ATP13A1: variants seen among roughly 807,000 people sequenced by gnomAD.
ATP13A1 encodes the protein endoplasmic reticulum transmembrane helix translocase.
A neutral mutation model predicts 134.8 loss-of-function variants in ATP13A1; 55 were observed. The observed-to-expected ratio is 0.41, with a 90% CI of 0.33 to 0.51. The LOEUF is 0.51. ATP13A1 is among the 20% of genes least tolerant of loss of function. The probability of loss-of-function intolerance (pLI) is 0.29; values close to 1 mark genes in which losing one functional copy is unlikely to be tolerated. For missense variants in ATP13A1, 1,389 were observed against 1,652.8 expected, an observed-to-expected ratio of 0.84 and a Z score of 2.77; for synonymous variants, 775 against 725.1, an observed-to-expected ratio of 1.07 and a Z score of -1.10.
chr19:19,646,310 T>G lies in ATP13A1; in HGVS notation c.3143A>C (p.Asn1048Thr). ...GAGGATGGTGTACAGGTTGAAGATG[T>G]TGGGCAGGGGCCGTTCTCGGGAGAG... ...KTLSRERPLP[N>T]IFNLYTILTV... Residue 1048 changes from asparagine to threonine, a missense_variant, in exon 23 of 26, where the codon AAC becomes ACC. By Grantham distance (65) the Asn-to-Thr change is moderately conservative. This residue lies in a region of ATP13A1 where 228 missense variants were observed against 321.0 expected (regional missense o/e 0.71). Coordinates refer to ENST00000357324, the MANE Select transcript of ATP13A1 (RefSeq NM_020410.3). 6.2e-7 allele frequency: 1 copy of G among 1,613,810 alleles called. No homozygotes were observed. The highest frequency in any genetic ancestry group is 8.5e-7 in the Non-Finnish European group (1 of 1,179,820).
rs1233231120 is a variant in ATP13A1 at position 19,649,858 on chromosome 19, C to T, written c.2418G>A (p.Glu806=). ...ARGSPKALAL[E]YALCLTGDGL... is the part of the protein sequence containing the mutation. Reference sequence around the variant, plus strand: ...CGTCGCCTGTGAGGCACAGTGCGTACTCCAGGGCCAGTGCCTTTGGGGAGC... The same window carrying T: ...CGTCGCCTGTGAGGCACAGTGCGTATTCCAGGGCCAGTGCCTTTGGGGAGC... Residue 806 remains glutamate, a synonymous_variant, in exon 18 of 26, where the codon GAG becomes GAA. Coordinates refer to ENST00000357324, the MANE Select transcript of ATP13A1 (RefSeq NM_020410.3). 6.2e-7 allele frequency: 1 copy of T among 1,603,890 alleles called. No individual in the cohort carries two copies. The highest frequency in any genetic ancestry group is 1.7e-5 in the Admixed American group (1 of 59,954).
Position 19,647,439 on chromosome 19 carries a change from G to A in ATP13A1, c.2883C>T (p.Thr961=). 6.2e-7 allele frequency: 1 copy of A among 1,613,542 alleles called. No homozygotes were observed. The highest frequency in any genetic ancestry group is 8.5e-7 in the Non-Finnish European group (1 of 1,179,726). Residue 961 remains threonine, a synonymous_variant, in exon 21 of 26, where the codon ACC becomes ACT. Coordinates refer to ENST00000357324, the MANE Select transcript of ATP13A1 (RefSeq NM_020410.3). The surrounding 1 kb of genome is among the most constrained non-coding windows in gnomAD (Gnocchi z 4.8). The part of the protein sequence containing the change: ...LGDASIAAPF[T]SKLSSIQCIC... ...TGCACTGGATGGATGAGAGCTTGGA[G>A]GTGAAGGGTGCTGCGATGCTGGCAT...
At chr19:19,662,239 G>C (rs1334677270) in intron 1 of ATP13A1, 1 of 1,501,084 alleles carries the variant, frequency 6.7e-7, no homozygotes, top group Non-Finnish European at 8.9e-7. Context: ...GTCTTTCATT[G>C]TACTACCTCA....
Position 19,656,951 on chromosome 19 carries a change from A to G in ATP13A1, c.907-35T>C. 7 of 1,604,926 alleles carry G rather than the reference A, an allele frequency of 4.4e-6. No homozygotes were observed. Among genetic ancestry groups the G allele is most frequent in the Non-Finnish European group, 6.0e-6 (7 of 1,176,198 alleles). On this transcript the variant is annotated intron_variant, in intron 5 of 25. Coordinates refer to ENST00000357324, the MANE Select transcript of ATP13A1 (RefSeq NM_020410.3). The surrounding 1 kb of genome is among the most constrained non-coding windows in gnomAD (Gnocchi z 4.6). ...GCATGGGTGTCAGCACAGAAGCCGCACCTGTGCTGCACCCCCAACCTGGGT... is the reference window on the plus strand; with the variant it reads ...GCATGGGTGTCAGCACAGAAGCCGCGCCTGTGCTGCACCCCCAACCTGGGT...
Position 19,655,614 on chromosome 19 carries a change from A to G in ATP13A1, c.1310T>C (p.Val437Ala). The part of the protein sequence containing the change: ...LRTILFGVKR[V>A]TANNLETFIF... Reference sequence around the variant, plus strand: ...GAAGGTCTCCAGGTTGTTCGCAGTCACCCTCTTGACCCCGAAGAGGATGGT... The same window carrying G: ...GAAGGTCTCCAGGTTGTTCGCAGTCGCCCTCTTGACCCCGAAGAGGATGGT... The change falls in exon 10 of 26, where the codon GTG (valine) becomes GCG (alanine). Residue 437 changes from valine (V) to alanine (A), a missense_variant. Transcript: ENST00000357324. The surrounding 1 kb of genome is among the most constrained non-coding windows in gnomAD (Gnocchi z 5.7). 6.2e-7 allele frequency: 1 copy of G among 1,613,754 alleles called. No individual in the cohort carries two copies. The highest frequency in any genetic ancestry group is 8.5e-7 in the Non-Finnish European group (1 of 1,179,818).
Position 19,663,363 on chromosome 19 carries a change from G to T in ATP13A1, c.304C>A (p.Leu102Ile). The T allele has an allele frequency of 6.3e-7, 1 of 1,591,392 alleles. No individual in the cohort carries two copies. The highest frequency in any genetic ancestry group is 8.5e-7 in the Non-Finnish European group (1 of 1,170,272). The change falls in exon 1 of 26, where the codon CTC (leucine) becomes ATC (isoleucine). Residue 102 changes from leucine to isoleucine, a missense_variant. Physicochemically the swap from Leu to Ile is conservative, Grantham distance 5 (BLOSUM62 2). Transcript: ENST00000357324. The stretch of plus-strand genomic sequence containing the variant: ...GCGAGGCAGATGGTGGCAAGCACGA[G>T]CAGCGCAGCTTCGGGGATCTGCACC... ...SWVQIPEAAL[L>I]VLATICLAHA...
At chr19:19,652,255 A>G (rs1388278101) in intron 16 of ATP13A1, among the ~76,000 whole-genome samples, 1 of 152,132 alleles carries the variant, frequency 6.6e-6, no homozygotes. Context: ...AGCCACCAGA[A>G]GCCACCAGGA....
At chr19:19,652,345 G>A (rs533976152) in intron 16 of ATP13A1, among the ~76,000 whole-genome samples, 2 of 152,338 alleles carry the variant, frequency 1.3e-5, no homozygotes, top group East Asian at 1.9e-4. Context: ...GGGAAGTGGA[G>A]AGAAGTGCCC....
Position 19,647,295 on chromosome 19 carries a change from G to T in ATP13A1, c.2939C>A (p.Thr980Lys). The T allele has an allele frequency of 6.2e-7, 1 of 1,613,286 alleles. No individual in the cohort carries two copies. Among genetic ancestry groups the T allele is most frequent in the Non-Finnish European group, 8.5e-7 (1 of 1,179,758 alleles). The change falls in exon 22 of 26, where the codon ACG becomes AAG. Residue 980 changes from threonine (T) to lysine (K), a missense_variant. This residue lies in a region of ATP13A1 where 228 missense variants were observed against 321.0 expected (regional missense o/e 0.71). Coordinates refer to ENST00000357324, the MANE Select transcript of ATP13A1 (RefSeq NM_020410.3). The surrounding 1 kb of genome is among the most constrained non-coding windows in gnomAD (Gnocchi z 4.8). Reference sequence around the variant, plus strand: ...GAACATCTGTAGCGTGGTCACCAGCGTGCAGCGGCCCTGCTTGATCACGTG... The same window carrying T: ...GAACATCTGTAGCGTGGTCACCAGCTTGCAGCGGCCCTGCTTGATCACGTG... Reference protein sequence around the residue: ...ICHVIKQGRCTLVTTLQMFKI... With the variant: ...ICHVIKQGRCKLVTTLQMFKI...
At position 19,645,275 on chromosome 19, in the gene ATP13A1, G is replaced by C; in HGVS notation, c.*147C>G. The stretch of plus-strand genomic sequence containing the variant: ...GGTTCTGCTGGCCAAGCCAGCGGAT[G>C]GCTGTGGGGGTCCCAGCTCAGTCTT... On this transcript the variant is annotated 3_prime_UTR_variant, in exon 26 of 26. Transcript: ENST00000357324. The surrounding 1 kb of genome is among the most constrained non-coding windows in gnomAD (Gnocchi z 4.1). 1 of 862,680 alleles carries C rather than the reference G, an allele frequency of 1.2e-6. No individual in the cohort carries two copies. 53.4% of individuals were successfully genotyped at this position (862,680 alleles called of 1,614,324 possible).
intron 1 of ATP13A1, chr19:19,662,318 C>T (rs1286713769): frequency 1.0e-6 from 1 of 985,300 alleles, no homozygotes; most frequent in Non-Finnish European, 1.2e-6. Context: ...GGTTGTCTCT[C>T]AGGAGAGGAG....
intron 15 of ATP13A1, chr19:19,652,927 C>A (rs2062034124): frequency 1.5e-6 from 1 of 653,570 alleles, no homozygotes; most frequent in Non-Finnish European, 2.5e-6. Flanking sequence ...ACTGGGGGGT[C>A]TGGGTCCCCC....
chr19:19,646,945 C>A (rs1362366671), intron 22 of ATP13A1, 184 bp downstream of exon 22: 9 of 659,484 alleles, frequency 1.4e-5, no homozygotes, highest in Non-Finnish European at 2.0e-5. Context: ...GCTGTACCAC[C>A]TGGAGGGGTC....
At position 19,656,903 on chromosome 19, in the gene ATP13A1, C is replaced by T. The variant is rs765900327; in HGVS notation, c.920G>A (p.Arg307His). 47 of 1,611,376 alleles carry T rather than the reference C, an allele frequency of 2.9e-5. No homozygotes were observed. Among genetic ancestry groups the T allele is most frequent in the Non-Finnish European group, 3.6e-5 (42 of 1,179,032 alleles). ...KPHMIQVYRSRKWRPIASDEI... is the reference protein window; with the variant it reads ...KPHMIQVYRSHKWRPIASDEI... ...ATCACTGGCAATGGGCCTCCACTTGCGGCTTCGGTAGACCTGGGCGGGGCA... is the reference window on the plus strand; with the variant it reads ...ATCACTGGCAATGGGCCTCCACTTGTGGCTTCGGTAGACCTGGGCGGGGCA... The change falls in exon 6 of 26, where the codon CGC becomes CAC. Residue 307 changes from arginine (R) to histidine (H), a missense_variant. Coordinates refer to ENST00000357324, the MANE Select transcript of ATP13A1 (RefSeq NM_020410.3). This position sits in a 1 kb window ranked among gnomAD's most constrained non-coding sequence, Gnocchi z 4.6.
At position 19,656,976 on chromosome 19, in the gene ATP13A1, T is replaced by A. The variant is rs1229369766; in HGVS notation, c.906+18A>T. On this transcript the variant is annotated intron_variant, in intron 5 of 25. Transcript: ENST00000357324. This position sits in a 1 kb window ranked among gnomAD's most constrained non-coding sequence, Gnocchi z 4.6. ...ACCTGTGCTGCACCCCCAACCTGGG[T>A]CTCCCTGGCAGCCACACCTGGATCA... is the stretch of plus-strand genomic sequence containing the variant. The A allele has an allele frequency of 1.9e-6, 3 of 1,602,968 alleles. No homozygotes were observed. In the Admixed American group the frequency reaches 5.1e-5, roughly 27 times the overall value.
At chr19:19,648,807 C>CAAAA (rs71172506) in intron 19 of ATP13A1, among the ~76,000 whole-genome samples, 2,224 of 40,034 alleles carry the variant, frequency 0.056, 120 homozygotes, top group East Asian at 0.19. Flanking sequence ...GAAACTGTCT[C>CAAAA]AAAAAAAAAA....
Position 19,663,558 on chromosome 19 carries a change from C to G in ATP13A1, c.109G>C (p.Ala37Pro), listed in dbSNP as rs2062108219. 1 of 1,511,458 alleles carries G rather than the reference C, an allele frequency of 6.6e-7. No homozygotes were observed. Among genetic ancestry groups the G allele is most frequent in the East Asian group, 2.6e-5 (1 of 38,268 alleles). 93.6% of individuals were successfully genotyped at this position (1,511,458 alleles called of 1,614,324 possible). ...TTCGCTATGAGCGCCGGCCCGGCGG[C>G]AAGGAGCGCGCGCGGCTGCGGCCCG... ...KPGPQPRALL[A>P]AGPALIANGD... Residue 37 changes from alanine (A) to proline (P), a missense_variant, in exon 1 of 26, where the codon GCC becomes CCC. This residue lies in a region of ATP13A1 where 293 missense variants were observed against 270.8 expected (regional missense o/e 1.08). Transcript: ENST00000357324.
At chr19:19,661,747 C>G (rs2062095897) in intron 1 of ATP13A1, among the ~76,000 whole-genome samples, 1 of 152,298 alleles carries the variant, frequency 6.6e-6, no homozygotes, top group Middle Eastern at 3.4e-3. Context: ...CTAGACCGAG[C>G]TGCATGGAGA....
rs1325828023 is a variant in ATP13A1, at chr19:19,656,413, C to T, written c.1084-230G>A. On this transcript the variant is annotated intron_variant, in intron 7 of 25. Transcript: ENST00000357324. This position sits in a 1 kb window ranked among gnomAD's most constrained non-coding sequence, Gnocchi z 4.6. ...TGCACTTGGCCTCGTCTGGGACTCA[C>T]CCCTCTGGACTGCTCCCAGCCCACC... Among the ~76,000 whole-genome samples, 1 of 152,122 alleles carries T rather than the reference C, an allele frequency of 6.6e-6. No individual in the cohort carries two copies. The highest frequency in any genetic ancestry group is 2.4e-5 in the African/African-American group (1 of 41,412).
Sources: gnomAD v4.1 joint callset for allele counts (sites outside exome capture counted in the v4.1 genomes callset) on GRCh38, gnomAD v4.1.1 for gene constraint, gnomAD v4.1.1 regional missense constraint, Gnocchi (gnomAD v3.1) non-coding constraint, MANE v1.5 for transcripts, NCBI Gene and HGNC (gene_info 2026-07-23, HGNC 2026-07-21) for gene names.